PTGER3: variants seen among roughly 807,000 people sequenced by gnomAD.
PTGER3 encodes the protein prostaglandin E2 receptor EP3 subtype.
A neutral mutation model predicts 34.7 loss-of-function variants in PTGER3; 22 were observed. The observed-to-expected ratio is 0.63, with a 90% CI of 0.45 to 0.91. The LOEUF is 0.91. PTGER3 is among the 40% of genes least tolerant of loss of function. PTGER3 has a pLI of 0.00. For synonymous variants in PTGER3, 241 were observed against 230.1 expected (o/e 1.05, Z -0.43); for missense variants, 468 against 519.4 (o/e 0.90, Z 0.96).
At chr1:71,043,774 T>C (rs768621603) in intron 1 of PTGER3, among the ~76,000 whole-genome samples, 24 of 152,090 alleles carry the variant, frequency 1.6e-4, no homozygotes, top group Non-Finnish European at 2.2e-4. Context: ...TAATTCCAAC[T>C]TTGTACAGTA....
intron 4 of PTGER3, among the ~76,000 whole-genome samples, chr1:70,930,606 A>G (rs1378276657): frequency 1.3e-5 from 2 of 152,154 alleles, no homozygotes; most frequent in Non-Finnish European, 2.9e-5. Flanking sequence ...TCAGAATCAC[A>G]ATGGGAGGCA....
chr1:70,869,701 CAATA>C (rs1646122144), intron 4 of PTGER3, among the ~76,000 whole-genome samples: 3 of 152,218 alleles, frequency 2.0e-5, no homozygotes, highest in African/African-American at 2.4e-5. Flanking sequence ...GCAGGGCAGT[CAATA>C]AATCTTATAG....
intron 2 of PTGER3, among the ~76,000 whole-genome samples, chr1:70,987,305 C>A (rs1427794487): frequency 6.6e-6 from 1 of 152,156 alleles, no homozygotes; most frequent in Non-Finnish European, 1.5e-5. Context: ...TTAAGTCTGA[C>A]AAAACGTATA....
chr1:70,976,825 T>C (rs1653754930), intron 2 of PTGER3, among the ~76,000 whole-genome samples: 1 of 152,120 alleles, frequency 6.6e-6, no homozygotes, highest in Admixed American at 6.6e-5. Context: ...CTAACGAGCC[T>C]CTCTTAGACA....
downstream of PTGER3, chr1:70,952,412 G>T: frequency 1.0e-6 from 1 of 984,850 alleles, no homozygotes; most frequent in Non-Finnish European, 1.2e-6. Context: ...CCTAAAAGTG[G>T]AAGTTTTTTG....
chr1:70,996,639 T>TTTA (rs1553173494), intron 2 of PTGER3, among the ~76,000 whole-genome samples: 3,436 of 122,728 alleles, frequency 0.028, 82 homozygotes, highest in East Asian at 0.1. Context: ...TTTTTTGTAT[T>TTTA]TTTATTTATT....
At chr1:70,974,180 A>G (rs1400310213) in intron 3 of PTGER3, 117 bp downstream of exon 3, 6 of 1,385,054 alleles carry the variant, frequency 4.3e-6, no homozygotes, top group Non-Finnish European at 5.8e-6. Flanking sequence ...TCAGATGTAT[A>G]TGTTTAATTT....
chr1:71,005,910 T>C (rs779708585), intron 2 of PTGER3: 2 of 833,072 alleles, frequency 2.4e-6, no homozygotes, highest in African/African-American at 3.7e-5. Context: ...CAATTGTACA[T>C]ATTCGCAGGG....
chr1:70,981,331 CTTTCTTTCTTT>C (rs1654280035), intron 2 of PTGER3, among the ~76,000 whole-genome samples: 1 of 49,308 alleles, frequency 2.0e-5, no homozygotes, highest in South Asian at 5.7e-4. Context: ...TTCTTTCTTT[CTTTCTTTCTTT>C]CTTTCTTTCT....
At chr1:70,929,990 TTGA>T (rs1179907213) in intron 4 of PTGER3, among the ~76,000 whole-genome samples, 1 of 152,242 alleles carries the variant, frequency 6.6e-6, no homozygotes, top group African/African-American at 2.4e-5. Context: ...TTTATGTCTC[TTGA>T]TTTTCAGACC....
intron 3 of PTGER3, chr1:70,953,730 G>A: frequency 6.5e-7 from 1 of 1,536,936 alleles, no homozygotes; most frequent in South Asian, 1.2e-5. Context: ...GGATTCAAAT[G>A]CAACTAGTTT....
At position 71,006,128 on chromosome 1, in the gene PTGER3, G is replaced by A. The variant is rs1429980434; in HGVS notation, c.1077+6177C>T. ...TTATTTCTGTTATCTCTCTTATCTA[G>A]CTATGATTTTTGTATACTTTAACAA... On this transcript the variant is annotated intron_variant, in intron 2 of 3. Coordinates refer to ENST00000306666, the MANE Select transcript of PTGER3 (RefSeq NM_198719.2). 3.1e-6 allele frequency: 3 copies of A among 957,086 alleles called. No individual in the cohort carries two copies. The East Asian group carries it at 3.5e-4, about 110-fold the overall frequency. 59.3% of individuals were successfully genotyped at this position (957,086 alleles called of 1,614,324 possible).
At chr1:70,908,654 A>G (rs1259308344) in intron 4 of PTGER3, among the ~76,000 whole-genome samples, 2 of 152,184 alleles carry the variant, frequency 1.3e-5, no homozygotes, top group Non-Finnish European at 2.9e-5. Flanking sequence ...ATCTGCTTCA[A>G]TGTGAACCCA....
chr1:70,890,033 T>A (rs1646582678), intron 4 of PTGER3, among the ~76,000 whole-genome samples: 1 of 152,174 alleles, frequency 6.6e-6, no homozygotes, highest in Admixed American at 6.5e-5. Context: ...TTCAGAAACT[T>A]CATTTGGCAT....
At chr1:70,995,205 G>C (rs1023214251) in intron 2 of PTGER3, among the ~76,000 whole-genome samples, 1 of 152,130 alleles carries the variant, frequency 6.6e-6, no homozygotes, top group Non-Finnish European at 1.5e-5. Context: ...TAACATTTAA[G>C]CAAAGTAAAC....
At chr1:71,030,868 C>T (rs945917516) in intron 1 of PTGER3, among the ~76,000 whole-genome samples, 1 of 151,672 alleles carries the variant, frequency 6.6e-6, no homozygotes, top group Admixed American at 6.6e-5. Context: ...TCAATTTGTT[C>T]TTTTTTGTAC....
chr1:70,909,420 C>T (rs527588205), intron 4 of PTGER3, among the ~76,000 whole-genome samples: 17 of 152,060 alleles, frequency 1.1e-4, no homozygotes, highest in Non-Finnish European at 2.1e-4. Flanking sequence ...TTTCAAAAAG[C>T]CATATGAAAA....
chr1:70,967,779 G>A (rs1652682274), downstream of PTGER3, among the ~76,000 whole-genome samples: 1 of 151,928 alleles, frequency 6.6e-6, no homozygotes, highest in South Asian at 2.1e-4. Flanking sequence ...TTTCCTTATA[G>A]CTTTTATTTC....
chr1:70,949,070 G>A (rs903335378), downstream of PTGER3, among the ~76,000 whole-genome samples: 7 of 152,100 alleles, frequency 4.6e-5, no homozygotes, highest in East Asian at 1.9e-4. Flanking sequence ...CTCTTCAGGC[G>A]TGGGGTAAAG....
Sources: gnomAD v4.1 joint callset for allele counts (sites outside exome capture counted in the v4.1 genomes callset) on GRCh38, gnomAD v4.1.1 for gene constraint, MANE v1.5 for transcripts, NCBI Gene and HGNC (gene_info 2026-07-23, HGNC 2026-07-21) for gene names.